The following HACD2 variants were observed in gnomAD, a reference collection of about 807,000 sequenced individuals.
HACD2 encodes very-long-chain (3R)-3-hydroxyacyl-CoA dehydratase 2.
Under a neutral mutation model 31.0 loss-of-function variants are expected in HACD2, and 15 were observed. That is an observed-to-expected ratio of 0.48 (90% CI 0.32 to 0.75). HACD2 has a LOEUF of 0.75. Ranked by LOEUF, HACD2 falls within the 30% of genes least tolerant of loss-of-function variation. HACD2 has a pLI of 0.03. For missense variants in HACD2, 283 were observed against 313.0 expected, an observed-to-expected ratio of 0.90 and a Z score of 0.72; for synonymous variants, 115 against 122.2, an observed-to-expected ratio of 0.94 and a Z score of 0.39.
chr3:123,578,710 T>A (rs1400602844), intron 2 of HACD2, among the ~76,000 whole-genome samples: 3 of 152,368 alleles, frequency 2.0e-5, no homozygotes, highest in South Asian at 4.1e-4. Flanking sequence ...ATTTCCTTTT[T>A]AAGTAAACTC....
At chr3:123,579,230 AC>A (rs1312361636) in intron 2 of HACD2, among the ~76,000 whole-genome samples, 3 of 152,180 alleles carry the variant, frequency 2.0e-5, no homozygotes, top group African/African-American at 7.2e-5. Context: ...AAAGTATGAC[AC>A]TGTTTAATGT....
intron 4 of HACD2, among the ~76,000 whole-genome samples, chr3:123,512,942 G>C (rs2056082609): frequency 6.6e-6 from 1 of 152,162 alleles, no homozygotes; most frequent in Non-Finnish European, 1.5e-5. Context: ...CCAGATCCTG[G>C]ATCCTAAGTT....
intron 3 of HACD2, among the ~76,000 whole-genome samples, chr3:123,566,932 C>A (rs549539766): frequency 6.6e-6 from 1 of 152,146 alleles, no homozygotes; most frequent in South Asian, 2.1e-4. Context: ...TCTACCTGTG[C>A]GCCCATCTGA....
intron 3 of HACD2, among the ~76,000 whole-genome samples, chr3:123,562,542 TTAAG>T (rs1553762340): frequency 6.6e-6 from 1 of 152,214 alleles, no homozygotes; most frequent in Non-Finnish European, 1.5e-5. Flanking sequence ...ATTATGTTGC[TTAAG>T]TAATAATAAG....
At chr3:123,550,497 A>G (rs1298707642) in intron 3 of HACD2, among the ~76,000 whole-genome samples, 3 of 152,240 alleles carry the variant, frequency 2.0e-5, no homozygotes, top group Non-Finnish European at 4.4e-5. Flanking sequence ...TTTAAAGAAC[A>G]GAAACACAAG....
chr3:123,546,493 AT>A (rs2056561279), intron 3 of HACD2, among the ~76,000 whole-genome samples: 1 of 152,232 alleles, frequency 6.6e-6, no homozygotes, highest in East Asian at 1.9e-4. Flanking sequence ...CCAAGGAAAC[AT>A]AAACCAAGTT....
intron 3 of HACD2, among the ~76,000 whole-genome samples, chr3:123,558,448 A>G (rs947419126): frequency 1.3e-5 from 2 of 152,208 alleles, no homozygotes; most frequent in African/African-American, 4.8e-5. Flanking sequence ...ATCAATTGTA[A>G]CAAATGTACT....
chr3:123,508,066 T>G lies in HACD2; in HGVS notation c.382-5385A>C, dbSNP rs949752402. On this transcript the variant is annotated intron_variant, in intron 4 of 6. Transcript: ENST00000383657. ...TGCCTTTTAAGATAAAAGGGGCATT[T>G]AGGGCAAAGAGGGAAAAGGGAGATG... is the stretch of plus-strand genomic sequence containing the variant. Among the ~76,000 whole-genome samples the G allele has an allele frequency of 2.9e-4, 44 of 152,078 alleles. 1 individual carries two copies. Among genetic ancestry groups the G allele is most frequent in the African/African-American group, 1.1e-3 (44 of 41,398 alleles).
chr3:123,535,413 G>A (rs370982673), intron 3 of HACD2, among the ~76,000 whole-genome samples: 35 of 152,114 alleles, frequency 2.3e-4, no homozygotes, highest in African/African-American at 8.2e-4. Context: ...TGAATCTAAA[G>A]TAATAACATT....
intron 4 of HACD2, among the ~76,000 whole-genome samples, chr3:123,512,486 C>G (rs1428090225): frequency 3.9e-5 from 6 of 151,970 alleles, no homozygotes; most frequent in Non-Finnish European, 7.4e-5. Flanking sequence ...GTGGTGAGGA[C>G]ATGGAAAGGT....
At position 123,528,375 on chromosome 3, in the gene HACD2, T is replaced by G; in HGVS notation, c.381+11A>C. On this transcript the variant is annotated intron_variant, in intron 4 of 6. Transcript: ENST00000383657. ...AGTGTTGACATTATTTTGGTCTATA[T>G]AAACACTTACCTCTTTGACGCTATG... The G allele has an allele frequency of 6.4e-7, 1 of 1,551,918 alleles. No homozygotes were observed. Among genetic ancestry groups the G allele is most frequent in the Non-Finnish European group, 8.9e-7 (1 of 1,123,618 alleles).
chr3:123,509,849 T>C (rs1290286170), intron 4 of HACD2, among the ~76,000 whole-genome samples: 1 of 151,772 alleles, frequency 6.6e-6, no homozygotes, highest in East Asian at 1.9e-4. Flanking sequence ...CTCTGACAGA[T>C]TGTGTGGGGA....
In HACD2 at chr3:123,494,743, A is replaced by G; in HGVS notation, c.*145T>C. ...AAATAAAATCTCAGGCCCATGTGAC[A>G]CTGGATTTTTGTTTTAGTTTTGTTT... On this transcript the variant is annotated 3_prime_UTR_variant, in exon 7 of 7. Coordinates refer to ENST00000383657, the MANE Select transcript of HACD2 (RefSeq NM_198402.5). 1 of 672,672 alleles carries G rather than the reference A, an allele frequency of 1.5e-6. No homozygotes were observed. 41.7% of individuals were successfully genotyped at this position (672,672 alleles called of 1,614,324 possible). A position where few individuals can be genotyped will look rare whatever the true frequency, so the allele number is the denominator to read the frequency against.
intron 1 of HACD2, chr3:123,584,650 G>A (rs117137616): frequency 0.03 from 10,774 of 364,500 alleles, 819 homozygotes; most frequent in East Asian, 0.24. Flanking sequence ...CCAGTGCCTG[G>A]GAACTTGGCT....
chr3:123,515,520 G>T (rs879321236), intron 4 of HACD2, among the ~76,000 whole-genome samples: 1 of 152,172 alleles, frequency 6.6e-6, no homozygotes, highest in Non-Finnish European at 1.5e-5. Context: ...CAGCTCCTAA[G>T]GGGCTGCAGT....
intron 3 of HACD2, among the ~76,000 whole-genome samples, chr3:123,530,939 C>T (rs1315651328): frequency 6.6e-6 from 1 of 152,088 alleles, no homozygotes; most frequent in African/African-American, 2.4e-5. Context: ...GCAATTTCGG[C>T]TCACTGCAAC....
intron 4 of HACD2, among the ~76,000 whole-genome samples, chr3:123,509,641 G>A (rs10212370): frequency 0.034 from 5,192 of 151,920 alleles, 84 homozygotes; most frequent in Middle Eastern, 0.088. Flanking sequence ...TGGGACTACA[G>A]GTGCCTGCCA....
chr3:123,496,509 G>A (rs1175048951), intron 6 of HACD2, among the ~76,000 whole-genome samples: 1 of 152,204 alleles, frequency 6.6e-6, no homozygotes. Context: ...TGCAGAGGAG[G>A]CAGCACGTGG....
intron 2 of HACD2, among the ~76,000 whole-genome samples, chr3:123,578,432 G>C (rs563206574): frequency 6.6e-6 from 1 of 152,134 alleles, no homozygotes; most frequent in South Asian, 2.1e-4. Flanking sequence ...TACCATGCCT[G>C]GCCAATTTTT....
Sources: allele counts gnomAD v4.1 joint callset (sites outside exome capture counted in the v4.1 genomes callset), GRCh38; gene constraint gnomAD v4.1.1; transcripts MANE v1.5; gene names NCBI Gene and HGNC (gene_info 2026-07-23, HGNC 2026-07-21).